The following ZPLD1 variants were observed in gnomAD, a reference collection of about 807,000 sequenced individuals.
ZPLD1 encodes the protein zona pellucida like domain containing 1.
Under a neutral mutation model 47.2 loss-of-function variants are expected in ZPLD1, and 34 were observed. The ratio of observed to expected loss-of-function variants is 0.72; its 90% confidence interval spans 0.55 to 0.96. ZPLD1 has a LOEUF of 0.96. Ranked by LOEUF, ZPLD1 falls within the 40% of genes least tolerant of loss-of-function variation. The pLI is 0.00. For missense variants in ZPLD1, 512 were observed against 505.8 expected (o/e 1.01, Z -0.12); for synonymous variants, 176 against 186.2 (o/e 0.95, Z 0.45).
Position 102,470,440 on chromosome 3 carries a change from G to A in ZPLD1, c.980G>A (p.Trp327Ter), listed in dbSNP as rs1220743671. The A allele has an allele frequency of 6.2e-7, 1 of 1,614,012 alleles. No individual in the cohort carries two copies. Among genetic ancestry groups the A allele is most frequent in the Non-Finnish European group, 8.5e-7 (1 of 1,179,986 alleles). ...AGAGATGCTGGGAGGAGGACGACTTGGAGCCCCCAGAGCTCTTCTGGCAGC... is the reference window on the plus strand; with the variant it reads ...AGAGATGCTGGGAGGAGGACGACTTAGAGCCCCCAGAGCTCTTCTGGCAGC... ...ERRDAGRRTTWSPQSSSGSAV... is the reference protein window; with the variant it reads ...ERRDAGRRTT The change falls in exon 10 of 12, where the codon TGG (tryptophan) becomes TAG (stop). Residue 327 changes from tryptophan (W) to a stop codon, truncating the protein, a stop_gained. Transcript: ENST00000466937. LOFTEE classifies it high-confidence loss of function.
chr3:102,417,206 T>A (rs1456502584), intron 7 of ZPLD1, among the ~76,000 whole-genome samples: 1 of 151,998 alleles, frequency 6.6e-6, no homozygotes, highest in African/African-American at 2.4e-5. Context: ...TTTTTCAGGG[T>A]AGCCATCATT....
Position 102,456,231 on chromosome 3 carries a change from A to G in ZPLD1, c.366A>G (p.Ala122=), listed in dbSNP as rs1468072774. The change falls in exon 5 of 12, where the codon GCA becomes GCG. Residue 122 remains alanine, a synonymous_variant. Coordinates refer to ENST00000466937, the MANE Select transcript of ZPLD1 (RefSeq NM_001329788.2). ...CTGGAGTCAGTGCTTATGGAAATGC[A>G]ACTTCAGTGCAAGTAGGAAATATTT... is the stretch of plus-strand genomic sequence containing the variant. ...TIPGVSAYGN[A]TSVQVGNISG... is the part of the protein sequence containing the mutation. The G allele has an allele frequency of 1.2e-6, 2 of 1,613,510 alleles. No homozygotes were observed. Among genetic ancestry groups the G allele is most frequent in the African/African-American group, 2.7e-5 (2 of 74,906 alleles).
intron 4 of ZPLD1, among the ~76,000 whole-genome samples, chr3:102,455,449 C>A (rs1167861951): frequency 6.6e-6 from 1 of 152,192 alleles, no homozygotes; most frequent in East Asian, 1.9e-4. Flanking sequence ...CAAAACCCAT[C>A]TATAAGCTAT....
chr3:102,392,012 A>G (rs1369419459), intron 6 of ZPLD1, among the ~76,000 whole-genome samples: 3 of 152,020 alleles, frequency 2.0e-5, no homozygotes, highest in Admixed American at 1.3e-4. Context: ...CCAACCAACC[A>G]ACAAACCAAT....
At chr3:102,464,667 C>A (rs559354144) in intron 8 of ZPLD1, among the ~76,000 whole-genome samples, 10 of 152,122 alleles carry the variant, frequency 6.6e-5, no homozygotes, top group Non-Finnish European at 1.3e-4. Flanking sequence ...ATAATTTAGA[C>A]CCCAAAATAC....
At chr3:102,444,771 A>T (rs1266525817) in intron 3 of ZPLD1, among the ~76,000 whole-genome samples, 4 of 152,214 alleles carry the variant, frequency 2.6e-5, no homozygotes, top group Admixed American at 2.6e-4. Context: ...GTTTTCTCCC[A>T]CTATATTGAA....
intron 8 of ZPLD1, among the ~76,000 whole-genome samples, chr3:102,418,966 C>T (rs1706843899): frequency 6.6e-6 from 1 of 151,882 alleles, no homozygotes; most frequent in Admixed American, 6.6e-5. Context: ...TTTGGTGAAG[C>T]CAGTTACTTT....
chr3:102,428,666 T>A (rs989008575), intron 8 of ZPLD1, among the ~76,000 whole-genome samples: 22 of 151,258 alleles, frequency 1.5e-4, no homozygotes, highest in African/African-American at 4.6e-4. Context: ...ATTTAATGCT[T>A]AAAAATTAAA....
At chr3:102,421,394 A>C (rs1044537848) in intron 8 of ZPLD1, among the ~76,000 whole-genome samples, 3 of 151,862 alleles carry the variant, frequency 2.0e-5, no homozygotes, top group Non-Finnish European at 4.4e-5. Flanking sequence ...TCATGTAATA[A>C]GTTATAATAA....
chr3:102,455,748 G>A (rs957974287), intron 4 of ZPLD1, among the ~76,000 whole-genome samples: 8 of 152,148 alleles, frequency 5.3e-5, no homozygotes, highest in African/African-American at 1.9e-4. Flanking sequence ...AATTTCTTAG[G>A]GAAGGTGAGA....
chr3:102,414,616 A>G (rs1706782510), intron 7 of ZPLD1, among the ~76,000 whole-genome samples: 1 of 151,896 alleles, frequency 6.6e-6, no homozygotes, highest in African/African-American at 2.4e-5. Flanking sequence ...TCAGTTACCT[A>G]GTAAAGCTAG....
intron 6 of ZPLD1, among the ~76,000 whole-genome samples, chr3:102,389,441 T>G (rs1706471723): frequency 6.6e-6 from 1 of 152,202 alleles, no homozygotes; most frequent in Non-Finnish European, 1.5e-5. Context: ...GGTAAAAGTA[T>G]GTATTTGCCA....
At chr3:102,388,453 GTC>G (rs1199534080) in intron 6 of ZPLD1, among the ~76,000 whole-genome samples, 7 of 143,672 alleles carry the variant, frequency 4.9e-5, no homozygotes, top group African/African-American at 1.3e-4. Flanking sequence ...CTCTCTCTCT[GTC>G]TGTGTGTGTG....
intron 10 of ZPLD1, among the ~76,000 whole-genome samples, chr3:102,473,134 T>G (rs576931571): frequency 6.6e-6 from 1 of 152,234 alleles, no homozygotes; most frequent in East Asian, 1.9e-4. Flanking sequence ...CATGATTCAA[T>G]TACCTCCCAC....
At chr3:102,463,766 G>A (rs1193026863) in intron 7 of ZPLD1, among the ~76,000 whole-genome samples, 1 of 151,902 alleles carries the variant, frequency 6.6e-6, no homozygotes, top group Non-Finnish European at 1.5e-5. Flanking sequence ...TCAGGCAAGC[G>A]CGGTGGCTCA....
chr3:102,399,240 A>G (rs1005757900), intron 7 of ZPLD1, among the ~76,000 whole-genome samples: 5 of 152,116 alleles, frequency 3.3e-5, no homozygotes, highest in South Asian at 4.1e-4. Flanking sequence ...TAAACCATGT[A>G]TCTGCTTAAA....
intron 7 of ZPLD1, among the ~76,000 whole-genome samples, chr3:102,405,662 G>A (rs1245865788): frequency 6.6e-6 from 1 of 151,986 alleles, no homozygotes; most frequent in South Asian, 2.1e-4. Flanking sequence ...ACTTATACTA[G>A]CATGTTCCAT....
At chr3:102,476,801 T>G (rs1162516681) in intron 10 of ZPLD1, among the ~76,000 whole-genome samples, 1 of 152,052 alleles carries the variant, frequency 6.6e-6, no homozygotes, top group East Asian at 1.9e-4. Flanking sequence ...AATAGAAAGA[T>G]GATGAAATCC....
intron 3 of ZPLD1, among the ~76,000 whole-genome samples, chr3:102,451,224 T>C (rs953482811): frequency 6.6e-6 from 1 of 152,170 alleles, no homozygotes. Flanking sequence ...AAAGAGATAA[T>C]GCTATTGAAC....
Sources: allele counts gnomAD v4.1 joint callset (sites outside exome capture counted in the v4.1 genomes callset), GRCh38; gene constraint gnomAD v4.1.1; transcripts MANE v1.5; gene names NCBI Gene and HGNC (gene_info 2026-07-23, HGNC 2026-07-21).